Variants in SERAC1 observed in about 807,000 individuals in gnomAD.
SERAC1 encodes protein SERAC1.
SERAC1 carries 36 observed loss-of-function variants against 85.7 expected under a neutral mutation model. That is an observed-to-expected ratio of 0.42 (90% CI 0.32 to 0.55). The LOEUF is 0.55. Ranked by LOEUF, SERAC1 falls within the 20% of genes least tolerant of loss-of-function variation. SERAC1 has a pLI of 0.11. For synonymous variants in SERAC1, 242 were observed against 265.3 expected (o/e 0.91, Z 0.85); for missense variants, 629 against 796.2 (o/e 0.79, Z 2.53).
chr6:158,125,334 TA>T (rs1325726167), intron 10 of SERAC1, among the ~76,000 whole-genome samples: 1 of 152,082 alleles, frequency 6.6e-6, no homozygotes, highest in Non-Finnish European at 1.5e-5. Flanking sequence ...AATTTTTAAA[TA>T]AAAAAATAAA....
At position 158,111,279 on chromosome 6, in the gene SERAC1, G is replaced by C. The variant is rs775037012; in HGVS notation, c.*87C>G. The C allele has an allele frequency of 1.1e-4, 129 of 1,222,032 alleles. No homozygotes were observed. The highest frequency in any genetic ancestry group is 2.9e-4 in the Admixed American group (12 of 41,868). The allele number at this position is 1,222,032 out of a possible 1,614,324, so 75.7% of individuals were successfully genotyped here. On this transcript the variant is annotated 3_prime_UTR_variant, in exon 17 of 17. Coordinates refer to ENST00000647468, the MANE Select transcript of SERAC1 (RefSeq NM_032861.4). ...TGTTGACGCTATGATCACTATGTTTGCATGATTGCATAGAGCTTAAAAGAA... is the reference window on the plus strand; with the variant it reads ...TGTTGACGCTATGATCACTATGTTTCCATGATTGCATAGAGCTTAAAAGAA...
At chr6:158,132,417 T>C (rs1476558618) in intron 8 of SERAC1, among the ~76,000 whole-genome samples, 1 of 152,152 alleles carries the variant, frequency 6.6e-6, no homozygotes, top group Non-Finnish European at 1.5e-5. Flanking sequence ...TGGGGCTAAG[T>C]CATGAAAAGT....
intron 10 of SERAC1, among the ~76,000 whole-genome samples, chr6:158,122,311 T>C (rs1784441543): frequency 6.6e-6 from 1 of 152,254 alleles, no homozygotes; most frequent in Admixed American, 6.5e-5. Context: ...AAGCAATGCA[T>C]GTCTGTACAT....
At position 158,158,260 on chromosome 6, in the gene SERAC1, A is replaced by T; in HGVS notation, c.91+13T>A. The T allele has an allele frequency of 6.3e-7, 1 of 1,576,892 alleles. No homozygotes were observed. The highest frequency in any genetic ancestry group is 8.7e-7 in the Non-Finnish European group (1 of 1,147,054). ...TCCTATAAGAAAATAAGAGTTGTTT[A>T]AGCTGTACTCACTGATATCTCTCCA... On this transcript the variant is annotated intron_variant, in intron 2 of 16. Coordinates refer to ENST00000647468, the MANE Select transcript of SERAC1 (RefSeq NM_032861.4).
At chr6:158,138,685 C>A (rs1183797168) in intron 8 of SERAC1, among the ~76,000 whole-genome samples, 1 of 151,996 alleles carries the variant, frequency 6.6e-6, no homozygotes, top group South Asian at 2.1e-4. Flanking sequence ...CTGGTCCCAA[C>A]CAAGCTGAAA....
At chr6:158,112,733 A>C (rs1583554649) in intron 16 of SERAC1, 1 of 150,320 alleles carries the variant, frequency 6.7e-6, no homozygotes, top group Non-Finnish European at 1.5e-5. Flanking sequence ...CCAGAACAGC[A>C]CCTAAGCCAG....
chr6:158,167,966 G>T (rs1222672725), intron 1 of SERAC1, among the ~76,000 whole-genome samples, 174 bp downstream of exon 1: 4 of 151,900 alleles, frequency 2.6e-5, no homozygotes, highest in African/African-American at 9.7e-5. Context: ...GCGACCACCA[G>T]AGAGAGAGGC....
At position 158,119,273 on chromosome 6, in the gene SERAC1, G is replaced by T; in HGVS notation, c.1167-103C>A. On this transcript the variant is annotated intron_variant, in intron 11 of 16. Transcript: ENST00000647468. This position sits in a 1 kb window ranked among gnomAD's most constrained non-coding sequence, Gnocchi z 4.5. ...GTGGATGGTGCTTTAGCAGGCTTAT[G>T]TGACATAAAACTGAATTAAAGCAAG... The T allele has an allele frequency of 7.3e-7, 1 of 1,362,316 alleles. No individual in the cohort carries two copies. Among genetic ancestry groups the T allele is most frequent in the Non-Finnish European group, 9.8e-7 (1 of 1,017,620 alleles). The allele number at this position is 1,362,316 out of a possible 1,614,324, so 84.4% of individuals were successfully genotyped here. A position where few individuals can be genotyped will look rare whatever the true frequency, so the allele number is the denominator to read the frequency against.
At chr6:158,164,951 T>C (rs1785563625) in intron 1 of SERAC1, among the ~76,000 whole-genome samples, 2 of 152,144 alleles carry the variant, frequency 1.3e-5, no homozygotes, top group South Asian at 4.1e-4. Flanking sequence ...AACTGACAGT[T>C]TGAATTAAAG....
In SERAC1 at chr6:158,111,205, C is replaced by G. The variant is rs1341485335; in HGVS notation, c.*161G>C. The G allele has an allele frequency of 3.2e-6, 2 of 616,372 alleles. No individual in the cohort carries two copies. Among genetic ancestry groups the G allele is most frequent in the African/African-American group, 1.9e-5 (1 of 53,130 alleles). The allele number at this position is 616,372 out of a possible 1,614,324, so 38.2% of individuals were successfully genotyped here. A position where few individuals can be genotyped will look rare whatever the true frequency, so the allele number is the denominator to read the frequency against. On this transcript the variant is annotated 3_prime_UTR_variant, in exon 17 of 17. Transcript: ENST00000647468. ...CCACTTCCGGGTTGGTGCTTTACAG[C>G]GCTTGAAGGGAGAACAATGTTCTGT...
chr6:158,155,005 G>A (rs1425674999), intron 3 of SERAC1, among the ~76,000 whole-genome samples: 2 of 152,104 alleles, frequency 1.3e-5, no homozygotes, highest in African/African-American at 2.4e-5. Flanking sequence ...AGCTGAGTGA[G>A]TGCCTGATTT....
Position 158,163,729 on chromosome 6 carries a change from T to TTTGTTGTTGTTGTTG in SERAC1, c.-2+4410_-2+4411insCAACAACAACAACAA, listed in dbSNP as rs111396490. ...TGCACTGTTTAGATTATGTAGGTTT[T>TTTGTTGTTGTTGTTG]TTGTTGTTTTTTGTTTTCTTTTTGA... On this transcript the variant is annotated intron_variant, in intron 1 of 16. Transcript: ENST00000647468. Among the ~76,000 whole-genome samples, 8 of 151,668 alleles carry TTTGTTGTTGTTGTTG rather than the reference T, an allele frequency of 5.3e-5. No individual in the cohort carries two copies. In the East Asian group the frequency reaches 9.7e-4, roughly 18 times the overall value.
intron 15 of SERAC1, chr6:158,114,474 TG>T (rs1291518620): frequency 3.6e-6 from 4 of 1,119,348 alleles, no homozygotes; most frequent in East Asian, 9.5e-5. Context: ...TCTCCACTCA[TG>T]GGGGAAAAAA....
At chr6:158,138,864 A>G (rs1267595206) in intron 8 of SERAC1, among the ~76,000 whole-genome samples, 2 of 152,214 alleles carry the variant, frequency 1.3e-5, no homozygotes, top group African/African-American at 4.8e-5. Flanking sequence ...ACAAACAACA[A>G]AAGGAAAAAA....
At chr6:158,150,330 G>A (rs1785172383) in intron 4 of SERAC1, 123 bp downstream of exon 4, 1 of 700,996 alleles carries the variant, frequency 1.4e-6, no homozygotes, top group African/African-American at 1.8e-5. Context: ...GTTTTCACGG[G>A]GTTTGGTGAT....
At chr6:158,129,041 C>T (rs1784609153) in intron 9 of SERAC1, among the ~76,000 whole-genome samples, 1 of 152,156 alleles carries the variant, frequency 6.6e-6, no homozygotes, top group South Asian at 2.1e-4. Flanking sequence ...CATTATATCA[C>T]ATTTTAAGTG....
rs1035517164 is a variant in SERAC1, at chr6:158,154,133, C to G, written c.128+1182G>C. 5.5e-5 allele frequency among the ~76,000 whole-genome samples: 7 copies of G among 127,788 alleles called. 1 individual carries two copies. The highest frequency in any genetic ancestry group is 1.2e-4 in the African/African-American group (4 of 33,400). 83.8% of individuals were successfully genotyped at this position (127,788 alleles called of 152,430 possible). On this transcript the variant is annotated intron_variant, in intron 3 of 16. Coordinates refer to ENST00000647468, the MANE Select transcript of SERAC1 (RefSeq NM_032861.4). ...GGAGATCACGCTACTGCACTCTAGC[C>G]TGGGTGACAGAGGAAAACTCTGTCT... is the stretch of plus-strand genomic sequence containing the variant.
intron 12 of SERAC1, among the ~76,000 whole-genome samples, chr6:158,118,347 A>G (rs966343177): frequency 2.6e-5 from 4 of 152,208 alleles, no homozygotes; most frequent in Non-Finnish European, 5.9e-5. Context: ...TGCCCTAAAA[A>G]CTATTCACAC....
chr6:158,116,442 C>G (rs1181513682), intron 13 of SERAC1, 160 bp from the exon 14 acceptor site: 1 of 597,398 alleles, frequency 1.7e-6, no homozygotes, highest in East Asian at 2.9e-5. Context: ...ATAAAATACC[C>G]CTATTCTCTC....
Sources: gnomAD v4.1 joint callset for allele counts (sites outside exome capture counted in the v4.1 genomes callset) on GRCh38, gnomAD v4.1.1 for gene constraint, Gnocchi (gnomAD v3.1) non-coding constraint, MANE v1.5 for transcripts, NCBI Gene and HGNC (gene_info 2026-07-23, HGNC 2026-07-21) for gene names.